Variants in ASPHD1 observed in about 807,000 individuals in gnomAD.
ASPHD1 encodes aspartate beta-hydroxylase domain containing 1, also known as aspartate beta-hydroxylase domain-containing protein 1.
ASPHD1 carries 20 observed loss-of-function variants against 28.3 expected under a neutral mutation model. That is an observed-to-expected ratio of 0.71 (90% CI 0.50 to 1.03). ASPHD1 has a LOEUF of 1.03. ASPHD1 is among the 50% of genes least tolerant of loss of function. The probability of loss-of-function intolerance (pLI) is 0.00; values close to 1 mark genes in which losing one functional copy is unlikely to be tolerated. For synonymous variants in ASPHD1, 240 were observed against 221.2 expected (o/e 1.08, Z -0.75); for missense variants, 479 against 524.1 (o/e 0.91, Z 0.84).
intron 3 of ASPHD1, chr16:29,911,193 G>A (rs1326362197): frequency 1.9e-6 from 3 of 1,608,056 alleles, no homozygotes; most frequent in African/African-American, 2.7e-5. Flanking sequence ...AGGGGACCAG[G>A]AGGCCTCAGC....
exon 4 of ASPHD1, chr16:29,919,619 G>A (rs914914984): frequency 9.2e-5 from 14 of 152,116 alleles, no homozygotes; most frequent in African/African-American, 1.7e-4. Flanking sequence ...TGGAGAAACC[G>A]GAGTATGCCC....
downstream of ASPHD1, chr16:29,906,279 C>T (rs1240502847): frequency 1.0e-5 from 2 of 194,474 alleles, no homozygotes; most frequent in South Asian, 8.5e-5. Context: ...CCACCACGCC[C>T]GGCCAGATAC....
chr16:29,911,463 G>A (rs1002212534), intron 3 of ASPHD1: 1 of 563,708 alleles, frequency 1.8e-6, no homozygotes, highest in Non-Finnish European at 3.1e-6. Context: ...GGTGACACTA[G>A]GCAAGTTACT....
chr16:29,911,403 G>A (rs867344051), intron 3 of ASPHD1: 27 of 566,068 alleles, frequency 4.8e-5, no homozygotes, highest in Middle Eastern at 4.6e-4. Context: ...GTGAGGGACC[G>A]GGAGCCAGGC....
downstream of ASPHD1, among the ~76,000 whole-genome samples, chr16:29,909,477 A>G (rs1344897364): frequency 1.3e-5 from 2 of 152,156 alleles, no homozygotes; most frequent in African/African-American, 2.4e-5. Context: ...GGAAGGGACC[A>G]GATGAGGAAG....
At chr16:29,907,992 A>G (rs1314828438), downstream of ASPHD1, among the ~76,000 whole-genome samples, 3 of 148,210 alleles carry the variant, frequency 2.0e-5, no homozygotes, top group Non-Finnish European at 4.4e-5. Context: ...AAAAAAAAAA[A>G]GAGAGAGAGA....
downstream of ASPHD1, chr16:29,907,028 G>C: frequency 3.1e-6 from 5 of 1,614,142 alleles, no homozygotes; most frequent in Non-Finnish European, 4.2e-6. Context: ...CCTCCAGGAG[G>C]GCTGGGTCTG....
intron 1 of ASPHD1, among the ~76,000 whole-genome samples, chr16:29,902,157 A>T: frequency 6.6e-6 from 1 of 152,032 alleles, no homozygotes; most frequent in East Asian, 1.9e-4. Flanking sequence ...TCTCCCCCCG[A>T]CCTTTTGTTC....
chr16:29,905,849 A>G lies in ASPHD1; in HGVS notation c.1125A>G (p.Ala375=), dbSNP rs1171358441. Residue 375 remains alanine, a synonymous_variant, in exon 3 of 3, where the codon GCA becomes GCG. Transcript: ENST00000308748. ...FIVDLWHPNV[A]GAERQALDFV... ...TGGACCTCTGGCACCCCAACGTGGC[A>G]GGGGCTGAGCGCCAGGCCCTCGACT... 1 of 1,613,670 alleles carries G rather than the reference A, an allele frequency of 6.2e-7. No homozygotes were observed. Among genetic ancestry groups the G allele is most frequent in the Non-Finnish European group, 8.5e-7 (1 of 1,179,830 alleles).
intron 3 of ASPHD1, among the ~76,000 whole-genome samples, chr16:29,918,138 G>C (rs751180689): frequency 2.6e-5 from 4 of 152,240 alleles, no homozygotes; most frequent in Non-Finnish European, 5.9e-5. Context: ...ATGTTGAAGA[G>C]AAAAGACTTA....
At chr16:29,906,096 G>A (rs1314247934), downstream of ASPHD1, 2 of 457,106 alleles carry the variant, frequency 4.4e-6, no homozygotes, top group South Asian at 3.7e-5. Context: ...CTGGGGCAGG[G>A]CCTTATGTCT....
rs2068541823 is a variant in ASPHD1 at position 29,901,267 on chromosome 16, G to A, written c.296G>A (p.Gly99Asp). Reference protein sequence around the residue: ...SLFLWYCYRLGSQDMQALGAG... With the variant: ...SLFLWYCYRLDSQDMQALGAG... ...TTCCTCTGGTACTGCTACCGCCTGG[G>A]CTCCCAAGACATGCAGGCCCTAGGG... Residue 99 changes from glycine to aspartate, a missense_variant, in exon 1 of 3, where the codon GGC (glycine) becomes GAC (aspartate). Transcript: ENST00000308748. This position sits in a 1 kb window ranked among gnomAD's most constrained non-coding sequence, Gnocchi z 5.1. The A allele has an allele frequency of 6.2e-7, 1 of 1,613,236 alleles. No homozygotes were observed. The highest frequency in any genetic ancestry group is 1.7e-5 in the Admixed American group (1 of 59,990).
chr16:29,907,066 T>C (rs781271074), downstream of ASPHD1: 4 of 1,612,874 alleles, frequency 2.5e-6, no homozygotes, highest in Middle Eastern at 1.7e-4. Flanking sequence ...TAGATGAGGA[T>C]GTTCAGGGTC....
At chr16:29,905,028 A>G in intron 2 of ASPHD1, 63 bp downstream of exon 2, 1 of 1,256,432 alleles carries the variant, frequency 8.0e-7, no homozygotes. Context: ...CGTTGACTAG[A>G]AGGCAGCAGA....
At chr16:29,905,083 C>A in intron 2 of ASPHD1, 118 bp downstream of exon 2, 1 of 699,388 alleles carries the variant, frequency 1.4e-6, no homozygotes, top group Non-Finnish European at 2.4e-6. Flanking sequence ...CATCTTCCAG[C>A]TGCATGACCT....
chr16:29,919,288 G>C (rs1163232934), intron 3 of ASPHD1, among the ~76,000 whole-genome samples: 3 of 152,056 alleles, frequency 2.0e-5, no homozygotes, highest in East Asian at 1.9e-4. Context: ...ATAAAGTAAT[G>C]CTTATGGTAT....
chr16:29,901,030 C>T lies in ASPHD1; in HGVS notation c.59C>T (p.Thr20Ile), dbSNP rs2068535628. Reference sequence around the variant, plus strand: ...AGAGGACCGCGGAAGGAGAGAGAGACAGCCCAGAGTGGAATGTGGAAGGGA... The same window carrying T: ...AGAGGACCGCGGAAGGAGAGAGAGATAGCCCAGAGTGGAATGTGGAAGGGA... ...VERGPRKERE[T>I]AQSGMWKGNS... is the part of the protein sequence containing the mutation. Residue 20 changes from threonine (T) to isoleucine (I), a missense_variant, in exon 1 of 3, where the codon ACA becomes ATA. Transcript: ENST00000308748. The surrounding 1 kb of genome is among the most constrained non-coding windows in gnomAD (Gnocchi z 5.1). 2 of 1,581,484 alleles carry T rather than the reference C, an allele frequency of 1.3e-6. No individual in the cohort carries two copies. Among genetic ancestry groups the T allele is most frequent in the Non-Finnish European group, 1.7e-6 (2 of 1,163,198 alleles).
Position 29,905,956 on chromosome 16 carries a change from G to T in ASPHD1, c.*59G>T. On this transcript the variant is annotated 3_prime_UTR_variant, in exon 3 of 3. Transcript: ENST00000308748. ...GAGACACTGCGCTCAGGGACGGCTTGATGGTAGCCAGGACCTCCTCTCTAC... is the reference window on the plus strand; with the variant it reads ...GAGACACTGCGCTCAGGGACGGCTTTATGGTAGCCAGGACCTCCTCTCTAC... The T allele has an allele frequency of 1.9e-6, 2 of 1,056,302 alleles. No homozygotes were observed. Among genetic ancestry groups the T allele is most frequent in the East Asian group, 4.6e-5 (1 of 21,606 alleles). The allele number at this position is 1,056,302 out of a possible 1,614,324, so 65.4% of individuals were successfully genotyped here. A position where few individuals can be genotyped will look rare whatever the true frequency, so the allele number is the denominator to read the frequency against.
intron 3 of ASPHD1, among the ~76,000 whole-genome samples, chr16:29,915,687 C>T (rs559410430): frequency 2.6e-5 from 4 of 152,068 alleles, no homozygotes; most frequent in African/African-American, 7.2e-5. Flanking sequence ...TGTGCTGAGA[C>T]GCTGAAAGAC....
Sources: allele counts gnomAD v4.1 joint callset (sites outside exome capture counted in the v4.1 genomes callset), GRCh38; gene constraint gnomAD v4.1.1; non-coding constraint Gnocchi (gnomAD v3.1); transcripts MANE v1.5; gene names NCBI Gene and HGNC (gene_info 2026-07-23, HGNC 2026-07-21).